Variants in PROSER2 observed in about 807,000 individuals in gnomAD.
The protein encoded by PROSER2 is proline and serine-rich protein 2.
A neutral mutation model predicts 14.6 loss-of-function variants in PROSER2; 18 were observed. That is an observed-to-expected ratio of 1.23 (90% CI 0.85 to 1.83). PROSER2 has a LOEUF of 1.83. Ranked by LOEUF, PROSER2 falls within the 40% of genes most tolerant of loss-of-function variation. The probability of loss-of-function intolerance (pLI) is 0.00; values close to 1 mark genes in which losing one functional copy is unlikely to be tolerated. For missense variants in PROSER2, 823 were observed against 629.8 expected (o/e 1.31, Z -3.28); for synonymous variants, 367 against 286.4 (o/e 1.28, Z -2.84).
chr10:11,853,151 G>C (rs1251964208), intron 2 of PROSER2, among the ~76,000 whole-genome samples: 2 of 152,154 alleles, frequency 1.3e-5, no homozygotes, highest in Non-Finnish European at 2.9e-5. Context: ...GTTTCCCTCA[G>C]ATACACTGAG....
intron 3 of PROSER2, among the ~76,000 whole-genome samples, chr10:11,867,264 CA>C (rs10560433): frequency 0.03 from 1,536 of 51,778 alleles, 10 homozygotes; most frequent in African/African-American, 0.096. Context: ...GACTCCGTCT[CA>C]AAAAAAAAAA....
rs1350591807 is a variant in PROSER2, at chr10:11,823,998, A to G, written c.-82+528A>G. ...GCCCAGCGCGGCGGGAGGGACTAAA[A>G]TAGAGGAGAAAATGTGGCCCGTGTG... On this transcript the variant is annotated intron_variant, in intron 1 of 3. Transcript: ENST00000277570. The surrounding 1 kb of genome is among the most constrained non-coding windows in gnomAD (Gnocchi z 6.2). Among the ~76,000 whole-genome samples the G allele has an allele frequency of 6.6e-6, 1 of 152,258 alleles. No homozygotes were observed. The highest frequency in any genetic ancestry group is 1.5e-5 in the Non-Finnish European group (1 of 68,034).
rs930536447 is a variant in PROSER2, at chr10:11,871,933, C to G, written c.*1527C>G. ...ATGCAATATTTAGTTTCATCCAGCT[C>G]TTATGAATAATAACCTCATAGATTC... On this transcript the variant is annotated 3_prime_UTR_variant, in exon 4 of 4. Coordinates refer to ENST00000277570, the MANE Select transcript of PROSER2 (RefSeq NM_153256.4). The G allele has an allele frequency of 2.6e-5, 4 of 152,220 alleles. No individual in the cohort carries two copies. The highest frequency in any genetic ancestry group is 4.8e-5 in the African/African-American group (2 of 41,448). 9.4% of individuals were successfully genotyped at this position (152,220 alleles called of 1,614,324 possible). A position where few individuals can be genotyped will look rare whatever the true frequency, so the allele number is the denominator to read the frequency against.
chr10:11,826,387 G>C (rs143879507), intron 1 of PROSER2, among the ~76,000 whole-genome samples: 2 of 152,142 alleles, frequency 1.3e-5, no homozygotes, highest in East Asian at 3.9e-4. Flanking sequence ...TTTTGGGTCC[G>C]TACCTGAAAG....
chr10:11,852,259 G>C (rs1232005223), intron 2 of PROSER2, 44 bp downstream of exon 2: 1 of 1,553,834 alleles, frequency 6.4e-7, no homozygotes, highest in South Asian at 1.2e-5. Context: ...GCCTGGGTCA[G>C]TGGATTTTGC....
At chr10:11,848,319 C>T (rs778113649) in intron 1 of PROSER2, among the ~76,000 whole-genome samples, 18 of 152,210 alleles carry the variant, frequency 1.2e-4, no homozygotes, top group Non-Finnish European at 1.9e-4. Context: ...CAGGCACCTG[C>T]CACCATGCCC....
In PROSER2 at chr10:11,866,106, AT is replaced by A. The variant is rs11366835; in HGVS notation, c.139-424del. On this transcript the variant is annotated intron_variant, in intron 2 of 3. Coordinates refer to ENST00000277570, the MANE Select transcript of PROSER2 (RefSeq NM_153256.4). This position sits in a 1 kb window ranked among gnomAD's most constrained non-coding sequence, Gnocchi z 6.0. ...TTGTGATTTGTGCCTTAAAAAAAAA[AT>A]CCCTTCGTTTTAGTACGGTTTCTGG... Among the ~76,000 whole-genome samples, 14,658 of 152,184 alleles carry A rather than the reference AT, an allele frequency of 0.096. 851 individuals carry two copies. The highest frequency in any genetic ancestry group is 0.13 in the Non-Finnish European group (8,589 of 67,996).
At chr10:11,855,708 C>T (rs1201238275) in intron 2 of PROSER2, among the ~76,000 whole-genome samples, 1 of 152,140 alleles carries the variant, frequency 6.6e-6, no homozygotes, top group South Asian at 2.1e-4. Flanking sequence ...AGGATCACTT[C>T]AGCCTAGGAG....
intron 1 of PROSER2, among the ~76,000 whole-genome samples, chr10:11,840,238 C>G (rs1239589287): frequency 6.6e-6 from 1 of 150,794 alleles, no homozygotes. Flanking sequence ...TAGGTGTGAG[C>G]CACCACGCTG....
rs537709652 is a variant in PROSER2 at position 11,836,988 on chromosome 10, C to A, written c.-82+13518C>A. On this transcript the variant is annotated intron_variant, in intron 1 of 3. Coordinates refer to ENST00000277570, the MANE Select transcript of PROSER2 (RefSeq NM_153256.4). This position sits in a 1 kb window ranked among gnomAD's most constrained non-coding sequence, Gnocchi z 4.6. ...GTTCTGATCCATTGCCTCCTGCATG[C>A]GAATCCTCCTTTGCCCGGAGTCCCC... is the stretch of plus-strand genomic sequence containing the variant. Among the ~76,000 whole-genome samples, 2 of 152,268 alleles carry A rather than the reference C, an allele frequency of 1.3e-5. No homozygotes were observed. Among genetic ancestry groups the A allele is most frequent in the Admixed American group, 1.3e-4 (2 of 15,292 alleles).
chr10:11,852,151 C>T lies in PROSER2; in HGVS notation c.74C>T (p.Ala25Val). Residue 25 changes from alanine to valine, a missense_variant, in exon 2 of 4, where the codon GCC becomes GTC. By Grantham distance (64) the Ala-to-Val change is moderately conservative. Coordinates refer to ENST00000277570, the MANE Select transcript of PROSER2 (RefSeq NM_153256.4). ...SDTSPSCRLR[A>V]FSRGGSLESR... ...ACGTCCCCCAGCTGCAGGCTCCGAG[C>T]CTTCAGCAGAGGCGGCAGCCTGGAG... The T allele has an allele frequency of 6.2e-7, 1 of 1,613,494 alleles. No homozygotes were observed. The highest frequency in any genetic ancestry group is 1.3e-5 in the African/African-American group (1 of 75,032).
chr10:11,868,741 C>T (rs548049581), intron 3 of PROSER2, among the ~76,000 whole-genome samples: 1 of 152,314 alleles, frequency 6.6e-6, no homozygotes, highest in Admixed American at 6.5e-5. Context: ...ACCTCCACCT[C>T]CCAGGTTCAA....
rs746337382 is a variant in PROSER2, at chr10:11,869,909, C to T, written c.811C>T (p.Leu271=). The T allele has an allele frequency of 1.9e-6, 3 of 1,578,650 alleles. No individual in the cohort carries two copies. The highest frequency in any genetic ancestry group is 2.3e-5 in the East Asian group (1 of 43,210). Residue 271 remains leucine (L), a synonymous_variant, in exon 4 of 4, where the codon CTG becomes TTG. Transcript: ENST00000277570. This position sits in a 1 kb window ranked among gnomAD's most constrained non-coding sequence, Gnocchi z 4.4. ...CGCGGCCCGGGAGCCCCGCAGGACC[C>T]TGTCCAGGGCGGCCGTCAGCGTGCA... ...NGAAREPRRT[L]SRAAVSVQER...
chr10:11,848,782 A>G (rs1833965953), intron 1 of PROSER2, among the ~76,000 whole-genome samples: 1 of 152,144 alleles, frequency 6.6e-6, no homozygotes, highest in Admixed American at 6.5e-5. Context: ...TCACTGCTTT[A>G]TCCTGCGCAC....
rs763215170 is a variant in PROSER2 at position 11,869,704 on chromosome 10, CGA to C, written c.610_611del (p.Arg204AspfsTer123). 1.4e-5 allele frequency: 22 copies of C among 1,596,444 alleles called. No individual in the cohort carries two copies. Among genetic ancestry groups the C allele is most frequent in the Non-Finnish European group, 1.9e-5 (22 of 1,172,310 alleles). Reference protein sequence around the residue: ...TPLVMAQKISERMAGNEALSP... With the variant: ...TPLVMAQKISXRMAGNEALSP... ...CCCTCGTTATGGCGCAGAAGATTTC[CGA>C]GAGGATGGCGGGGAACGAAGCCCTC... On this transcript the variant is annotated frameshift_variant, in exon 4 of 4. Transcript: ENST00000277570. LOFTEE classifies it low-confidence loss of function (END_TRUNC). This position sits in a 1 kb window ranked among gnomAD's most constrained non-coding sequence, Gnocchi z 4.4.
Position 11,866,096 on chromosome 10 carries a change from TA to T in PROSER2, c.139-425del, listed in dbSNP as rs959410296. 1.1e-4 allele frequency among the ~76,000 whole-genome samples: 16 copies of T among 148,124 alleles called. No individual in the cohort carries two copies. The highest frequency in any genetic ancestry group is 2.0e-4 in the East Asian group (1 of 5,068). ...TATTTTGTCATTGTGATTTGTGCCTTAAAAAAAAAATCCCTTCGTTTTAGTA... is the reference window on the plus strand; with the variant it reads ...TATTTTGTCATTGTGATTTGTGCCTTAAAAAAAAATCCCTTCGTTTTAGTA... On this transcript the variant is annotated intron_variant, in intron 2 of 3. Transcript: ENST00000277570. The surrounding 1 kb of genome is among the most constrained non-coding windows in gnomAD (Gnocchi z 6.0).
chr10:11,845,435 T>C (rs992673828), intron 1 of PROSER2, among the ~76,000 whole-genome samples: 1 of 151,164 alleles, frequency 6.6e-6, no homozygotes, highest in African/African-American at 2.4e-5. Context: ...ATTTGTATTC[T>C]GTTTGGGATT....
chr10:11,864,956 G>A (rs1286335871), intron 2 of PROSER2, among the ~76,000 whole-genome samples: 1 of 152,010 alleles, frequency 6.6e-6, no homozygotes, highest in African/African-American at 2.4e-5. Flanking sequence ...TCTTTTCTTG[G>A]CTTTCAGTAT....
chr10:11,867,401 G>A (rs528986661), intron 3 of PROSER2, among the ~76,000 whole-genome samples: 1 of 152,266 alleles, frequency 6.6e-6, no homozygotes, highest in Admixed American at 6.5e-5. Context: ...TACAGGCTGG[G>A]CGCCATGGAT....
Sources: allele counts gnomAD v4.1 joint callset (sites outside exome capture counted in the v4.1 genomes callset), GRCh38; gene constraint gnomAD v4.1.1; non-coding constraint Gnocchi (gnomAD v3.1); transcripts MANE v1.5; gene names NCBI Gene and HGNC (gene_info 2026-07-23, HGNC 2026-07-21).